PAK5: variants seen among roughly 807,000 people sequenced by gnomAD.
The protein encoded by PAK5 is serine/threonine-protein kinase PAK 5.
PAK5 carries 16 observed loss-of-function variants against 65.9 expected under a neutral mutation model. The observed-to-expected ratio is 0.24, with a 90% CI of 0.16 to 0.37. The LOEUF (loss-of-function observed/expected upper bound fraction) is 0.37. PAK5 is among the 10% of genes least tolerant of loss of function. PAK5 has a pLI of 1.00. For missense variants in PAK5, 785 were observed against 903.9 expected, an observed-to-expected ratio of 0.87 and a Z score of 1.69; for synonymous variants, 371 against 354.9, an observed-to-expected ratio of 1.05 and a Z score of -0.51.
At chr20:9,616,342 G>A (rs913582752) in intron 3 of PAK5, among the ~76,000 whole-genome samples, 2 of 152,140 alleles carry the variant, frequency 1.3e-5, no homozygotes, top group Non-Finnish European at 2.9e-5. Context: ...CTCAAATTAC[G>A]CCAGTAGCGA....
chr20:9,616,140 T>A (rs751008817), intron 3 of PAK5, among the ~76,000 whole-genome samples: 1 of 152,180 alleles, frequency 6.6e-6, no homozygotes, highest in Non-Finnish European at 1.5e-5. Flanking sequence ...AAAGCAATGT[T>A]GAAACTACAC....
At chr20:9,750,791 C>G (rs1350736207) in intron 1 of PAK5, among the ~76,000 whole-genome samples, 1 of 152,096 alleles carries the variant, frequency 6.6e-6, no homozygotes, top group African/African-American at 2.4e-5. Flanking sequence ...ACACTGTAAC[C>G]ACCATGAGTA....
intron 3 of PAK5, among the ~76,000 whole-genome samples, chr20:9,588,111 AGCACCAT>A: frequency 6.6e-6 from 1 of 152,186 alleles, no homozygotes; most frequent in Middle Eastern, 3.4e-3. Context: ...CTGCTTCTTT[AGCACCAT>A]GCTCTTACTA....
chr20:9,618,934 T>G (rs1369177844), intron 3 of PAK5, among the ~76,000 whole-genome samples: 2 of 119,968 alleles, frequency 1.7e-5, no homozygotes, highest in East Asian at 2.5e-4. Context: ...TTTTTTTTTT[T>G]TTTTTTTTTT....
chr20:9,609,566 A>G (rs891200552), intron 3 of PAK5, among the ~76,000 whole-genome samples: 1 of 152,200 alleles, frequency 6.6e-6, no homozygotes, highest in Admixed American at 6.5e-5. Context: ...TGAGTCCACC[A>G]AAGGCACAGT....
chr20:9,746,919 A>G (rs1021775408), intron 1 of PAK5, among the ~76,000 whole-genome samples: 2 of 152,338 alleles, frequency 1.3e-5, no homozygotes, highest in African/African-American at 4.8e-5. Context: ...AAGGATCAAC[A>G]AAACTGATAG....
intron 1 of PAK5, among the ~76,000 whole-genome samples, chr20:9,808,281 CA>C (rs1247564969): frequency 2.0e-5 from 3 of 151,976 alleles, no homozygotes; most frequent in Non-Finnish European, 4.4e-5. Flanking sequence ...AGGAGAAGTA[CA>C]AAAAAGTATG....
intron 7 of PAK5, among the ~76,000 whole-genome samples, chr20:9,553,510 GC>G (rs1434242557): frequency 6.6e-6 from 1 of 151,988 alleles, no homozygotes; most frequent in Non-Finnish European, 1.5e-5. Flanking sequence ...CCAAAACCCT[GC>G]CAACCACTCA....
At chr20:9,767,462 A>G (rs1212589358) in intron 1 of PAK5, among the ~76,000 whole-genome samples, 1 of 152,160 alleles carries the variant, frequency 6.6e-6, no homozygotes, top group Non-Finnish European at 1.5e-5. Context: ...GTTTTAGCAC[A>G]TCTATGTGTC....
At chr20:9,565,060 G>C (rs1032748415) in intron 5 of PAK5, among the ~76,000 whole-genome samples, 2 of 151,764 alleles carry the variant, frequency 1.3e-5, no homozygotes, top group South Asian at 4.2e-4. Context: ...ACATGTATAT[G>C]ATAGAAGATT....
chr20:9,662,678 C>T (rs1018326357), intron 2 of PAK5, among the ~76,000 whole-genome samples: 6 of 152,136 alleles, frequency 3.9e-5, no homozygotes, highest in African/African-American at 1.4e-4. Context: ...CTGCACTGGA[C>T]TTCATGCAAG....
chr20:9,788,444 G>C (rs1299873897), intron 1 of PAK5, among the ~76,000 whole-genome samples: 2 of 152,026 alleles, frequency 1.3e-5, no homozygotes, highest in Admixed American at 6.6e-5. Flanking sequence ...ATTCTAAACA[G>C]CTAACCCTCT....
intron 1 of PAK5, among the ~76,000 whole-genome samples, chr20:9,736,499 C>T (rs1485086006): frequency 2.6e-5 from 4 of 152,068 alleles, no homozygotes; most frequent in Admixed American, 6.5e-5. Context: ...AATAATAGTT[C>T]ATGAACTAAG....
chr20:9,831,711 T>G (rs1238187892), intron 1 of PAK5, among the ~76,000 whole-genome samples: 1 of 152,232 alleles, frequency 6.6e-6, no homozygotes, highest in Admixed American at 6.5e-5. Flanking sequence ...TTTTGCCATG[T>G]TGCTCAGCCT....
At chr20:9,743,123 C>T (rs560320509) in intron 1 of PAK5, among the ~76,000 whole-genome samples, 2 of 152,222 alleles carry the variant, frequency 1.3e-5, no homozygotes, top group South Asian at 4.1e-4. Context: ...ATCCCAGCGC[C>T]TTGGGAAGCT....
intron 1 of PAK5, among the ~76,000 whole-genome samples, chr20:9,792,903 AACAGGCAGGCAG>A (rs2049065015): frequency 1.3e-5 from 2 of 152,156 alleles, no homozygotes; most frequent in Non-Finnish European, 2.9e-5. Flanking sequence ...GCAGAAAGCG[AACAGGCAGGCAG>A]ACAGGCAGGC....
rs2048664949 is a variant in PAK5 at position 9,758,811 on chromosome 20, G to T, written c.-161-47376C>A. 2.6e-5 allele frequency among the ~76,000 whole-genome samples: 4 copies of T among 152,122 alleles called. No individual in the cohort carries two copies. In the South Asian group the frequency reaches 8.3e-4, roughly 31 times the overall value. On this transcript the variant is annotated intron_variant, in intron 1 of 9. Transcript: ENST00000353224. ...CCTTGCCCCAGTAAGGACAAGAAAT[G>T]CCTCTGTGACATCCACAGGCTCCCT...
At chr20:9,772,561 T>C (rs925884674) in intron 1 of PAK5, among the ~76,000 whole-genome samples, 8 of 152,342 alleles carry the variant, frequency 5.3e-5, no homozygotes, top group African/African-American at 1.9e-4. Context: ...CATTTGGTTA[T>C]GACCATAAAG....
chr20:9,635,631 G>A (rs114453170), intron 3 of PAK5, among the ~76,000 whole-genome samples: 1,690 of 152,232 alleles, frequency 0.011, 40 homozygotes, highest in African/African-American at 0.039. Context: ...TCTTAGAAGT[G>A]CCCTGATGTT....
Sources: gnomAD v4.1 joint callset for allele counts (sites outside exome capture counted in the v4.1 genomes callset) on GRCh38, gnomAD v4.1.1 for gene constraint, MANE v1.5 for transcripts, NCBI Gene and HGNC (gene_info 2026-07-23, HGNC 2026-07-21) for gene names.